The following GLIPR2 variants were observed in gnomAD, a reference collection of about 807,000 sequenced individuals.
The protein encoded by GLIPR2 is GLI pathogenesis related 2.
GLIPR2 carries 21 observed loss-of-function variants against 20.4 expected under a neutral mutation model. The ratio of observed to expected loss-of-function variants is 1.03; its 90% CI spans 0.73 to 1.48. The LOEUF is 1.48. Ranked by LOEUF, GLIPR2 falls within the 40% of genes most tolerant of loss-of-function variation. GLIPR2 has a pLI of 0.00. For synonymous variants in GLIPR2, 91 were observed against 80.5 expected (o/e 1.13, Z -0.70); for missense variants, 205 against 200.1 (o/e 1.02, Z -0.15).
intron 1 of GLIPR2, chr9:36,141,798 C>T (rs1031971768): frequency 4.0e-5 from 18 of 454,456 alleles, no homozygotes; most frequent in Middle Eastern, 3.6e-4. Flanking sequence ...GGACCACAGG[C>T]GTGGGTCACC....
intron 4 of GLIPR2, among the ~76,000 whole-genome samples, chr9:36,156,789 A>C (rs967991344): frequency 2.0e-5 from 3 of 152,234 alleles, no homozygotes; most frequent in African/African-American, 7.2e-5. Context: ...CCTTATGAAA[A>C]TCTAATGCCT....
intron 4 of GLIPR2, 59 bp from the exon 5 acceptor site, chr9:36,162,302 TC>T (rs1453063679): frequency 6.2e-7 from 1 of 1,600,044 alleles, no homozygotes; most frequent in Non-Finnish European, 8.5e-7. Flanking sequence ...CCCTGCCACA[TC>T]CTTCTTCAGG....
At chr9:36,152,125 G>A (rs1156499015) in intron 4 of GLIPR2, among the ~76,000 whole-genome samples, 1 of 152,214 alleles carries the variant, frequency 6.6e-6, no homozygotes, top group Non-Finnish European at 1.5e-5. Flanking sequence ...GGCAGAGGCA[G>A]AAGCATCTGC....
At chr9:36,159,795 A>C (rs533182082) in intron 4 of GLIPR2, among the ~76,000 whole-genome samples, 99 of 152,156 alleles carry the variant, frequency 6.5e-4, no homozygotes, top group Non-Finnish European at 1.1e-3. Context: ...GGTGAAACCC[A>C]TCTCTACTAA....
Position 36,147,902 on chromosome 9 carries a change from C to G in GLIPR2, c.122+8C>G, listed in dbSNP as rs200267894. On this transcript the variant is annotated splice_region_variant and intron_variant, in intron 2 of 4. Coordinates refer to ENST00000377960, the MANE Select transcript of GLIPR2 (RefSeq NM_022343.4). Reference sequence around the variant, plus strand: ...CAACCGGGAGGCTCAACAGTGAGTCCCCTAGCACATCCGGGTAACTTGGCC... The same window carrying G: ...CAACCGGGAGGCTCAACAGTGAGTCGCCTAGCACATCCGGGTAACTTGGCC... 529 of 1,273,858 alleles carry G rather than the reference C, an allele frequency of 4.2e-4. 1 individual carries two copies. Among genetic ancestry groups the G allele is most frequent in the Middle Eastern group, 1.1e-3 (6 of 5,348 alleles). The allele number at this position is 1,273,858 out of a possible 1,614,324, so 78.9% of individuals were successfully genotyped here.
chr9:36,153,066 T>C (rs1825669568), intron 4 of GLIPR2, among the ~76,000 whole-genome samples: 1 of 144,386 alleles, frequency 6.9e-6, no homozygotes, highest in Non-Finnish European at 1.5e-5. Context: ...AGGCAGAGGT[T>C]GCCGTGAGCG....
intron 3 of GLIPR2, among the ~76,000 whole-genome samples, 162 bp downstream of exon 3, chr9:36,148,812 T>C (rs1234982807): frequency 6.6e-6 from 1 of 152,178 alleles, no homozygotes; most frequent in Non-Finnish European, 1.5e-5. Flanking sequence ...CTGACTTCAG[T>C]TCACCACAAG....
At chr9:36,143,717 G>A (rs1265665258) in intron 1 of GLIPR2, among the ~76,000 whole-genome samples, 11 of 152,178 alleles carry the variant, frequency 7.2e-5, no homozygotes, top group Admixed American at 7.2e-4. Flanking sequence ...GGGACTTGAA[G>A]GTCCTCTGAC....
intron 1 of GLIPR2, chr9:36,141,709 AGT>A (rs755157937): frequency 2.5e-6 from 1 of 406,380 alleles, no homozygotes; most frequent in Non-Finnish European, 4.8e-6. Flanking sequence ...GCTGGAGTGC[AGT>A]GGTGCGATCA....
At chr9:36,145,546 G>A (rs1213571351) in intron 1 of GLIPR2, among the ~76,000 whole-genome samples, 1 of 152,168 alleles carries the variant, frequency 6.6e-6, no homozygotes, top group East Asian at 1.9e-4. Context: ...GTTAAATGGA[G>A]GATAGATGGA....
chr9:36,137,603 C>T (rs544914810), intron 1 of GLIPR2, among the ~76,000 whole-genome samples: 2 of 152,322 alleles, frequency 1.3e-5, no homozygotes, highest in African/African-American at 4.8e-5. Context: ...AGCGCCCAAC[C>T]TGGTGTTTTC....
At chr9:36,142,306 G>T (rs952427513) in intron 1 of GLIPR2, among the ~76,000 whole-genome samples, 1 of 152,016 alleles carries the variant, frequency 6.6e-6, no homozygotes, top group East Asian at 1.9e-4. Flanking sequence ...TCCCTTTGTC[G>T]CCTGTGACCC....
At chr9:36,159,662 C>T (rs544518401) in intron 4 of GLIPR2, among the ~76,000 whole-genome samples, 4 of 151,904 alleles carry the variant, frequency 2.6e-5, no homozygotes, top group Admixed American at 6.6e-5. Flanking sequence ...GGGAGATGGT[C>T]GGTAAATAAA....
chr9:36,161,729 T>G (rs1826060688), intron 4 of GLIPR2, among the ~76,000 whole-genome samples: 1 of 152,138 alleles, frequency 6.6e-6, no homozygotes, highest in Non-Finnish European at 1.5e-5. Flanking sequence ...ACTGGAGAGC[T>G]TCAAGATTAC....
Position 36,147,871 on chromosome 9 carries a change from G to A in GLIPR2, c.99G>A (p.Lys33=). The change falls in exon 2 of 5, where the codon AAG becomes AAA. Residue 33 remains lysine (K), a synonymous_variant. Transcript: ENST00000377960. ...GCGTCCCCCCACTGAAGCTCTGCAA[G>A]AACCTCAACCGGGAGGCTCAACAGT... The part of the protein sequence containing the change: ...KHGVPPLKLC[K]NLNREAQQYS... The A allele has an allele frequency of 6.3e-7, 1 of 1,575,240 alleles. No individual in the cohort carries two copies. The highest frequency in any genetic ancestry group is 8.7e-7 in the Non-Finnish European group (1 of 1,144,570).
chr9:36,138,076 G>A (rs1405325387), intron 1 of GLIPR2, among the ~76,000 whole-genome samples: 1 of 152,252 alleles, frequency 6.6e-6, no homozygotes, highest in Non-Finnish European at 1.5e-5. Flanking sequence ...GATATAATGG[G>A]TTGCCATTTA....
rs1365336908 is a variant in GLIPR2, at chr9:36,153,006, T to C, written c.304+2057T>C. On this transcript the variant is annotated intron_variant, in intron 4 of 4. Coordinates refer to ENST00000377960, the MANE Select transcript of GLIPR2 (RefSeq NM_022343.4). ...AGCCAGGTGTGGTGACAGGTGTCTG[T>C]AATCCCAGCTACTCAGGAGGCTGAA... Among the ~76,000 whole-genome samples the C allele has an allele frequency of 3.7e-5, 5 of 136,370 alleles. No individual in the cohort carries two copies. The Middle Eastern group carries it at 0.014, about 390-fold the overall frequency. The allele number at this position is 136,370 out of a possible 152,430, so 89.5% of individuals were successfully genotyped here.
chr9:36,162,561 G>A lies in GLIPR2; in HGVS notation c.*39G>A, dbSNP rs527657227. On this transcript the variant is annotated 3_prime_UTR_variant, in exon 5 of 5. Transcript: ENST00000377960. The stretch of plus-strand genomic sequence containing the variant: ...ATGGGAAGGTGGCAGACTTAAGAAC[G>A]TGGATATGAAGTGCCTAGAACCACC... 6.2e-6 allele frequency: 10 copies of A among 1,604,696 alleles called. No homozygotes were observed. The highest frequency in any genetic ancestry group is 2.7e-5 in the African/African-American group (2 of 74,826).
intron 4 of GLIPR2, among the ~76,000 whole-genome samples, chr9:36,159,368 C>T (rs1482681828): frequency 1.3e-5 from 2 of 152,212 alleles, no homozygotes; most frequent in Admixed American, 1.3e-4. Flanking sequence ...GAATGCTGCA[C>T]TTCTAGTGAA....
Sources: gnomAD v4.1 joint callset for allele counts (sites outside exome capture counted in the v4.1 genomes callset) on GRCh38, gnomAD v4.1.1 for gene constraint, MANE v1.5 for transcripts, NCBI Gene and HGNC (gene_info 2026-07-23, HGNC 2026-07-21) for gene names.